The following EFNA5 variants were observed in gnomAD, a reference collection of about 807,000 sequenced individuals.
EFNA5 encodes ephrin A5, also known as ephrin-A5.
A neutral mutation model predicts 22.9 loss-of-function variants in EFNA5; 5 were observed. The observed-to-expected ratio is 0.22, with a 90% confidence interval of 0.11 to 0.46. The LOEUF (loss-of-function observed/expected upper bound fraction) is 0.46. Ranked by LOEUF, EFNA5 falls within the 20% of genes least tolerant of loss-of-function variation. EFNA5 has a pLI of 0.99. For synonymous variants in EFNA5, 113 were observed against 112.2 expected, an observed-to-expected ratio of 1.01 and a Z score of -0.04; for missense variants, 237 against 293.3, an observed-to-expected ratio of 0.81 and a Z score of 1.40.
rs1322080809 is a variant in EFNA5 at position 107,381,162 on chromosome 5, T to C, written c.*93A>G. 10 of 1,478,374 alleles carry C rather than the reference T, an allele frequency of 6.8e-6. No individual in the cohort carries two copies. Among genetic ancestry groups the C allele is most frequent in the Non-Finnish European group, 9.1e-6 (10 of 1,099,528 alleles). The allele number at this position is 1,478,374 out of a possible 1,614,324, so 91.6% of individuals were successfully genotyped here. A position where few individuals can be genotyped will look rare whatever the true frequency, so the allele number is the denominator to read the frequency against. On this transcript the variant is annotated 3_prime_UTR_variant, in exon 5 of 5. Transcript: ENST00000333274. ...AAATCTGACATCTGCCAAAACCCAA[T>C]AACAAGTCCCTTCTTAGGATGAGCA...
At chr5:107,601,136 G>T (rs1481964629) in intron 1 of EFNA5, among the ~76,000 whole-genome samples, 1 of 152,202 alleles carries the variant, frequency 6.6e-6, no homozygotes, top group African/African-American at 2.4e-5. Flanking sequence ...AAGAGGTTTA[G>T]ATTGTTTCAT....
At chr5:107,480,675 T>C (rs1172200599) in intron 1 of EFNA5, among the ~76,000 whole-genome samples, 6 of 152,164 alleles carry the variant, frequency 3.9e-5, no homozygotes, top group Admixed American at 3.9e-4. Flanking sequence ...TAAAGACTGC[T>C]TCACAGAGCT....
intron 2 of EFNA5, among the ~76,000 whole-genome samples, chr5:107,399,956 C>G (rs1748041960): frequency 1.3e-5 from 2 of 152,086 alleles, no homozygotes; most frequent in Non-Finnish European, 2.9e-5. Flanking sequence ...AGATTTGTGA[C>G]TAAGTGAAAT....
intron 1 of EFNA5, among the ~76,000 whole-genome samples, chr5:107,472,990 C>T (rs1002520735): frequency 1.4e-4 from 21 of 152,142 alleles, no homozygotes; most frequent in African/African-American, 5.1e-4. Flanking sequence ...AGCCCCCAGT[C>T]TCCCTCCCCC....
Position 107,501,952 on chromosome 5 carries a change from G to T in EFNA5, c.126-74443C>A, listed in dbSNP as rs1747145688. ...TCTTGCCTTAAAGAAAAGTACTGCA[G>T]CTGTGATACAACTATGAGCCCTCCT... On this transcript the variant is annotated intron_variant, in intron 1 of 4. Coordinates refer to ENST00000333274, the MANE Select transcript of EFNA5 (RefSeq NM_001962.3). Among the ~76,000 whole-genome samples the T allele has an allele frequency of 2.0e-5, 3 of 152,208 alleles. No individual in the cohort carries two copies. In the South Asian group the frequency reaches 6.2e-4, roughly 31 times the overall value.
chr5:107,404,767 A>G (rs1456700897), intron 2 of EFNA5, among the ~76,000 whole-genome samples: 1 of 152,176 alleles, frequency 6.6e-6, no homozygotes, highest in East Asian at 1.9e-4. Flanking sequence ...TATTTGTTTC[A>G]TAATTTCCCA....
At position 107,670,578 on chromosome 5, in the gene EFNA5, C is replaced by T; in HGVS notation, c.36G>A (p.Leu12=). The T allele has an allele frequency of 1.9e-6, 3 of 1,602,938 alleles. No homozygotes were observed. The highest frequency in any genetic ancestry group is 2.6e-6 in the Non-Finnish European group (3 of 1,175,168). Residue 12 remains leucine, a synonymous_variant, in exon 1 of 5, where the codon CTG becomes CTA. Coordinates refer to ENST00000333274, the MANE Select transcript of EFNA5 (RefSeq NM_001962.3). ...LHVEMLTLVF[L]VLWMCVFSQD... ...GGCTGAACACACACATCCAGAGCAC[C>T]AGAAACACCAGCGTCAACATCTCCA...
At chr5:107,499,244 C>A (rs17594762) in intron 1 of EFNA5, among the ~76,000 whole-genome samples, 6,123 of 152,206 alleles carry the variant, frequency 0.04, 177 homozygotes, top group South Asian at 0.063. Context: ...CCACAATGCA[C>A]AACAATAAAC....
intron 1 of EFNA5, among the ~76,000 whole-genome samples, chr5:107,431,337 G>A (rs900902955): frequency 3.3e-5 from 5 of 152,112 alleles, no homozygotes; most frequent in Admixed American, 6.6e-5. Flanking sequence ...AAGTAATTGC[G>A]GTTTTTGCCT....
chr5:107,432,453 A>T (rs1290747684), intron 1 of EFNA5, among the ~76,000 whole-genome samples: 1 of 152,122 alleles, frequency 6.6e-6, no homozygotes, highest in Non-Finnish European at 1.5e-5. Flanking sequence ...CTTATCCTTA[A>T]TTCCATCCAT....
intron 1 of EFNA5, among the ~76,000 whole-genome samples, chr5:107,623,834 G>A (rs1319978414): frequency 6.6e-6 from 1 of 151,968 alleles, no homozygotes; most frequent in Admixed American, 6.6e-5. Flanking sequence ...AAGAAGTTTT[G>A]TGGTAAAGAC....
At chr5:107,591,140 G>A (rs553586454) in intron 1 of EFNA5, among the ~76,000 whole-genome samples, 1 of 152,212 alleles carries the variant, frequency 6.6e-6, no homozygotes, top group African/African-American at 2.4e-5. Flanking sequence ...TGGGAGGCAG[G>A]GGAGCTACAA....
chr5:107,409,807 C>G (rs947671837), intron 2 of EFNA5, among the ~76,000 whole-genome samples: 9 of 152,106 alleles, frequency 5.9e-5, no homozygotes, highest in African/African-American at 1.9e-4. Flanking sequence ...AAGCCACTTA[C>G]TAGGTACAAG....
chr5:107,440,050 G>A (rs1034650768), intron 1 of EFNA5, among the ~76,000 whole-genome samples: 2 of 152,086 alleles, frequency 1.3e-5, no homozygotes, highest in Non-Finnish European at 2.9e-5. Context: ...GCACTACTTA[G>A]TATTATTATT....
At chr5:107,512,703 C>A (rs1206856840) in intron 1 of EFNA5, among the ~76,000 whole-genome samples, 1 of 152,150 alleles carries the variant, frequency 6.6e-6, no homozygotes, top group Non-Finnish European at 1.5e-5. Flanking sequence ...AAGCAGCAAT[C>A]ACCGAGAATG....
At chr5:107,605,899 A>G (rs1357710088) in intron 1 of EFNA5, among the ~76,000 whole-genome samples, 1 of 152,178 alleles carries the variant, frequency 6.6e-6, no homozygotes, top group African/African-American at 2.4e-5. Context: ...TTCTCTTGGC[A>G]CTGAATAAAA....
intron 1 of EFNA5, among the ~76,000 whole-genome samples, chr5:107,435,807 G>C (rs1257324560): frequency 6.6e-6 from 1 of 152,184 alleles, no homozygotes; most frequent in African/African-American, 2.4e-5. Context: ...TTGGTGCTGT[G>C]TTTATACATT....
chr5:107,472,002 T>C (rs1321594219), intron 1 of EFNA5, among the ~76,000 whole-genome samples: 1 of 152,224 alleles, frequency 6.6e-6, no homozygotes, highest in Non-Finnish European at 1.5e-5. Context: ...AGAGTGCAAA[T>C]AGCCTTAAGT....
In EFNA5 at chr5:107,617,157, T is replaced by A. The variant is rs529552587; in HGVS notation, c.125+53332A>T. 5.3e-5 allele frequency among the ~76,000 whole-genome samples: 8 copies of A among 150,638 alleles called. No individual in the cohort carries two copies. The East Asian group carries it at 1.4e-3, about 26-fold the overall frequency. On this transcript the variant is annotated intron_variant, in intron 1 of 4. Coordinates refer to ENST00000333274, the MANE Select transcript of EFNA5 (RefSeq NM_001962.3). Reference sequence around the variant, plus strand: ...CCGCTACTCTTATCCTACCTTACCATAAATTTAAACCCATAAAAAAACTAA... The same window carrying A: ...CCGCTACTCTTATCCTACCTTACCAAAAATTTAAACCCATAAAAAAACTAA...
Sources: gnomAD v4.1 joint callset for allele counts (sites outside exome capture counted in the v4.1 genomes callset) on GRCh38, gnomAD v4.1.1 for gene constraint, MANE v1.5 for transcripts, NCBI Gene and HGNC (gene_info 2026-07-23, HGNC 2026-07-21) for gene names.